CNIH3: variants seen among roughly 807,000 people sequenced by gnomAD.
CNIH3 encodes the protein cornichon family AMPA receptor auxiliary protein 3, also known as protein cornichon homolog 3.
CNIH3 carries 14 observed loss-of-function variants against 24.1 expected under a neutral mutation model. The observed-to-expected ratio is 0.58, with a 90% CI of 0.38 to 0.91. CNIH3 has a LOEUF of 0.91. CNIH3 is among the 40% of genes least tolerant of loss of function. The pLI, the probability that CNIH3 is intolerant of heterozygous loss-of-function variation, is 0.00. For synonymous variants in CNIH3, 68 were observed against 73.8 expected (o/e 0.92, Z 0.40); for missense variants, 178 against 196.8 (o/e 0.90, Z 0.57).
At position 224,657,832 on chromosome 1, in the gene CNIH3, T is replaced by TA. The variant is rs560305846; in HGVS notation, c.82-23125dup. Among the ~76,000 whole-genome samples the TA allele has an allele frequency of 3.0e-4, 45 of 152,244 alleles. No individual in the cohort carries two copies. The South Asian group carries it at 9.1e-3, about 31-fold the overall frequency. On this transcript the variant is annotated intron_variant, in intron 1 of 5. Transcript: ENST00000272133. ...TTGAGAAGAATCAAAGTAAAACAAT[T>TA]ATGGATGACAAAAGTCTTAAGACAA...
chr1:224,665,690 C>T (rs1237371590), intron 1 of CNIH3, among the ~76,000 whole-genome samples: 1 of 152,206 alleles, frequency 6.6e-6, no homozygotes, highest in Non-Finnish European at 1.5e-5. Context: ...GAGATCAAAG[C>T]TGTGCTTTAG....
chr1:224,596,346 A>C (rs1387441562), intron 3 of CNIH3, among the ~76,000 whole-genome samples: 2 of 152,238 alleles, frequency 1.3e-5, no homozygotes, highest in African/African-American at 4.8e-5. Flanking sequence ...TGTTTATAGC[A>C]TGGTTTATTG....
intron 3 of CNIH3, among the ~76,000 whole-genome samples, chr1:224,715,564 GA>G (rs1688383123): frequency 1.3e-5 from 2 of 152,144 alleles, no homozygotes; most frequent in South Asian, 4.1e-4. Flanking sequence ...AATTTATAAA[GA>G]AAAAAGGTTT....
intron 1 of CNIH3, chr1:224,459,187 TACTGCTTAGATCAAGTCTTCAGCAG>T (rs1675803145): frequency 1.0e-5 from 9 of 890,918 alleles, no homozygotes; most frequent in Non-Finnish European, 1.2e-5. Context: ...TTCTTCCTTC[TACTGCTTAGATCAAGTCTTCAGCAG>T]ACATCATGTG....
intron 1 of CNIH3, among the ~76,000 whole-genome samples, chr1:224,637,608 C>T (rs1366827812): frequency 6.6e-6 from 1 of 152,234 alleles, no homozygotes; most frequent in African/African-American, 2.4e-5. Context: ...CACACCCTTT[C>T]TCCCTTTGTC....
At chr1:224,590,479 A>G (rs559876578), downstream of CNIH3, among the ~76,000 whole-genome samples, 8 of 152,310 alleles carry the variant, frequency 5.3e-5, no homozygotes, top group South Asian at 1.7e-3. Flanking sequence ...TTTATAAAGA[A>G]CAGAAGTTTA....
upstream of CNIH3, among the ~76,000 whole-genome samples, chr1:224,512,204 A>T (rs1678183375): frequency 6.7e-6 from 1 of 150,246 alleles, no homozygotes; most frequent in South Asian, 2.1e-4. Flanking sequence ...GGAGCTAAGA[A>T]TGGGCATGGT....
intron 3 of CNIH3, among the ~76,000 whole-genome samples, chr1:224,594,118 A>T (rs1681876584): frequency 6.6e-6 from 1 of 152,242 alleles, no homozygotes; most frequent in African/African-American, 2.4e-5. Flanking sequence ...AATGCCACAG[A>T]ACTGAACACT....
At chr1:224,606,455 A>G (rs1251963809) in intron 3 of CNIH3, among the ~76,000 whole-genome samples, 2 of 152,104 alleles carry the variant, frequency 1.3e-5, no homozygotes. Flanking sequence ...CTCCTCTCCA[A>G]CCATAGTCTC....
At chr1:224,435,053 A>G in intron 1 of CNIH3, 2 of 985,604 alleles carry the variant, frequency 2.0e-6, no homozygotes, top group Non-Finnish European at 2.4e-6. Context: ...CTCGACGAGC[A>G]GTAAGTTCGT....
At chr1:224,636,952 CTT>C (rs202049764) in intron 1 of CNIH3, among the ~76,000 whole-genome samples, 18 of 134,226 alleles carry the variant, frequency 1.3e-4, no homozygotes, top group Admixed American at 3.7e-4. Flanking sequence ...GAGATGCATT[CTT>C]TTTTTTTTTT....
intron 1 of CNIH3, among the ~76,000 whole-genome samples, chr1:224,520,524 T>C (rs914222645): frequency 1.3e-5 from 2 of 152,232 alleles, no homozygotes; most frequent in African/African-American, 4.8e-5. Context: ...AAGAGTTAGA[T>C]TGAACCACAT....
intron 4 of CNIH3, among the ~76,000 whole-genome samples, chr1:224,576,956 T>C (rs1053175407): frequency 2.0e-5 from 3 of 151,984 alleles, no homozygotes; most frequent in Admixed American, 2.0e-4. Context: ...AACAAAAACA[T>C]AAAGTGGGAC....
intron 3 of CNIH3, among the ~76,000 whole-genome samples, chr1:224,692,106 G>C (rs1686959984): frequency 1.3e-5 from 2 of 152,136 alleles, no homozygotes; most frequent in African/African-American, 4.8e-5. Context: ...ATCAGTGTGG[G>C]TAACATAGTG....
rs191642097 is a variant in CNIH3 at position 224,633,020 on chromosome 1, A to G, written c.81+15765A>G. ...ACAAAGTGACATCTAAGATCCTACCAGTCCCCAAATGCTGTGGTCCTCTAT... is the reference window on the plus strand; with the variant it reads ...ACAAAGTGACATCTAAGATCCTACCGGTCCCCAAATGCTGTGGTCCTCTAT... On this transcript the variant is annotated intron_variant, in intron 1 of 5. Transcript: ENST00000272133. 9.3e-4 allele frequency among the ~76,000 whole-genome samples: 142 copies of G among 152,220 alleles called. 1 individual carries two copies. In the Middle Eastern group the frequency reaches 0.024, roughly 26 times the overall value.
upstream of CNIH3, among the ~76,000 whole-genome samples, chr1:224,614,958 A>G (rs979945253): frequency 6.6e-6 from 1 of 151,618 alleles, no homozygotes. Flanking sequence ...TAAATAAATA[A>G]ATAAATAAAT....
At chr1:224,723,218 G>A (rs1688829315) in intron 3 of CNIH3, among the ~76,000 whole-genome samples, 1 of 152,194 alleles carries the variant, frequency 6.6e-6, no homozygotes, top group Non-Finnish European at 1.5e-5. Context: ...TGGAGCATGT[G>A]TGGCTGGTTG....
chr1:224,571,442 G>A (rs1680811298), intron 4 of CNIH3, among the ~76,000 whole-genome samples: 1 of 151,896 alleles, frequency 6.6e-6, no homozygotes, highest in Admixed American at 6.6e-5. Flanking sequence ...AAACCAGCAG[G>A]GGCCAGGCGC....
chr1:224,514,285 A>G (rs1247849789), upstream of CNIH3, among the ~76,000 whole-genome samples: 2 of 152,196 alleles, frequency 1.3e-5, no homozygotes, highest in African/African-American at 4.8e-5. Context: ...TTTAGTTTAT[A>G]CGCATGCAGG....
Sources: allele counts gnomAD v4.1 joint callset (sites outside exome capture counted in the v4.1 genomes callset), GRCh38; gene constraint gnomAD v4.1.1; transcripts MANE v1.5; gene names NCBI Gene and HGNC (gene_info 2026-07-23, HGNC 2026-07-21).